The following SHANK2 variants were observed in gnomAD, a reference collection of about 807,000 sequenced individuals.
SHANK2 encodes SH3 and multiple ankyrin repeat domains protein 2.
SHANK2 carries 43 observed loss-of-function variants against 133.7 expected under a neutral mutation model. The ratio of observed to expected loss-of-function variants is 0.32; its 90% CI spans 0.25 to 0.41. SHANK2 has a LOEUF of 0.41. Ranked by LOEUF, SHANK2 falls within the 10% of genes least tolerant of loss-of-function variation. The pLI, the probability that SHANK2 is intolerant of heterozygous loss-of-function variation, is 1.00. For synonymous variants in SHANK2, 1,017 were observed against 952.8 expected (o/e 1.07, Z -1.24); for missense variants, 1,994 against 2,235.8 (o/e 0.89, Z 2.18).
chr11:70,872,890 A>G (rs1283553301), intron 11 of SHANK2: 2 of 412,216 alleles, frequency 4.9e-6, no homozygotes, highest in South Asian at 1.8e-5. Flanking sequence ...GATGCCCTGT[A>G]GAGCCCAGCT....
intron 15 of SHANK2, among the ~76,000 whole-genome samples, chr11:70,684,837 T>C (rs1379935169): frequency 2.0e-5 from 3 of 151,930 alleles, no homozygotes; most frequent in African/African-American, 7.3e-5. Flanking sequence ...TTCTGATAGG[T>C]CACATGCCTC....
At chr11:70,551,245 T>G (rs191327692) in intron 17 of SHANK2, among the ~76,000 whole-genome samples, 9 of 152,280 alleles carry the variant, frequency 5.9e-5, no homozygotes, top group African/African-American at 1.7e-4. Context: ...TTCAAAGATG[T>G]GTCTGAGGCT....
intron 10 of SHANK2, among the ~76,000 whole-genome samples, chr11:70,899,242 C>T (rs1200943594): frequency 2.0e-5 from 3 of 152,046 alleles, no homozygotes; most frequent in African/African-American, 7.2e-5. Context: ...GGTGGTTTCC[C>T]CGTGCTGTTC....
intron 4 of SHANK2, among the ~76,000 whole-genome samples, chr11:71,118,202 C>T (rs1555100736): frequency 6.6e-6 from 1 of 152,016 alleles, no homozygotes. Context: ...AGCAAGATTT[C>T]TCTGCAGGGA....
chr11:70,799,816 C>T (rs2016495), intron 13 of SHANK2, among the ~76,000 whole-genome samples: 22,576 of 152,106 alleles, frequency 0.15, 2,007 homozygotes, highest in African/African-American at 0.24. Flanking sequence ...CACAGTAGGC[C>T]CTCAATGAAC....
At chr11:70,674,216 C>T (rs1944866670) in intron 15 of SHANK2, among the ~76,000 whole-genome samples, 1 of 152,224 alleles carries the variant, frequency 6.6e-6, no homozygotes, top group African/African-American at 2.4e-5. Context: ...TGGCACCATG[C>T]TTCCTGGGCA....
At chr11:70,576,584 C>T (rs1022065686) in intron 17 of SHANK2, among the ~76,000 whole-genome samples, 15 of 152,120 alleles carry the variant, frequency 9.9e-5, no homozygotes, top group Non-Finnish European at 1.6e-4. Flanking sequence ...TTGCAGTGAG[C>T]CGAGATCTTG....
chr11:70,766,391 G>A (rs1947124699), intron 14 of SHANK2, among the ~76,000 whole-genome samples: 1 of 152,214 alleles, frequency 6.6e-6, no homozygotes, highest in South Asian at 2.1e-4. Context: ...TGGCTGATGG[G>A]ACTCTGAATA....
At chr11:70,744,137 G>A (rs1055726032) in intron 14 of SHANK2, among the ~76,000 whole-genome samples, 7 of 152,220 alleles carry the variant, frequency 4.6e-5, no homozygotes, top group Admixed American at 2.6e-4. Flanking sequence ...GAGGAAAGTG[G>A]AAGAACCAGG....
intron 3 of SHANK2, among the ~76,000 whole-genome samples, chr11:71,140,736 G>C (rs1258447562): frequency 1.3e-5 from 2 of 152,236 alleles, no homozygotes; most frequent in Admixed American, 6.5e-5. Context: ...GTGGAACCCC[G>C]AGGCTCAGAT....
chr11:70,494,065 G>A (rs919495565), intron 21 of SHANK2, among the ~76,000 whole-genome samples: 4 of 152,184 alleles, frequency 2.6e-5, no homozygotes. Context: ...TCCTGACAAA[G>A]GCAGCCCAGA....
chr11:70,916,506 T>TAC (rs139292615), intron 10 of SHANK2, among the ~76,000 whole-genome samples: 2 of 151,674 alleles, frequency 1.3e-5, no homozygotes, highest in Admixed American at 1.3e-4. Context: ...TGTGTGCGTG[T>TAC]ACACACACAC....
chr11:70,600,822 T>G (rs1436231779), intron 17 of SHANK2, among the ~76,000 whole-genome samples: 1 of 152,172 alleles, frequency 6.6e-6, no homozygotes, highest in South Asian at 2.1e-4. Flanking sequence ...GACTTACATA[T>G]GAAAGACAAA....
intron 3 of SHANK2, among the ~76,000 whole-genome samples, chr11:71,132,655 T>C: frequency 6.6e-6 from 1 of 152,182 alleles, no homozygotes; most frequent in Admixed American, 6.5e-5. Flanking sequence ...AGGGTCCACA[T>C]ATAATCCTTA....
rs571082855 is a variant in SHANK2 at position 71,113,655 on chromosome 11, C to T, written c.412-291G>A. 2.6e-5 allele frequency among the ~76,000 whole-genome samples: 4 copies of T among 152,186 alleles called. No individual in the cohort carries two copies. The South Asian group carries it at 6.2e-4, about 24-fold the overall frequency. On this transcript the variant is annotated intron_variant, in intron 4 of 25. Transcript: ENST00000601538. The stretch of plus-strand genomic sequence containing the variant: ...GCTGGGAGGTCTCCCTCCCGGTGAC[C>T]GGCTCCCCAGCTAACTGAGTGGTTA...
At chr11:70,670,832 G>A (rs1944786034) in intron 15 of SHANK2, among the ~76,000 whole-genome samples, 1 of 152,164 alleles carries the variant, frequency 6.6e-6, no homozygotes, top group South Asian at 2.1e-4. Flanking sequence ...TGCACGGAGG[G>A]GACTCCTCCT....
At position 70,547,084 on chromosome 11, in the gene SHANK2, A is replaced by T. The variant is rs116252288; in HGVS notation, c.2062-44153T>A. ...GGTCAGTTTACCCAGAATCTCCCTC[A>T]CCCTTGATGCTTCCACTCAGGAATT... On this transcript the variant is annotated intron_variant, in intron 17 of 25. Transcript: ENST00000601538. Among the ~76,000 whole-genome samples the T allele has an allele frequency of 1.7e-3, 254 of 150,322 alleles. 1 individual carries two copies. The highest frequency in any genetic ancestry group is 5.9e-3 in the African/African-American group (241 of 40,758).
intron 2 of SHANK2, among the ~76,000 whole-genome samples, chr11:71,218,924 C>A (rs981391862): frequency 3.9e-5 from 6 of 152,204 alleles, no homozygotes; most frequent in African/African-American, 7.2e-5. Context: ...GAGTCCCAAG[C>A]AGCCTTCTCT....
chr11:71,172,751 G>T (rs1203881330), intron 2 of SHANK2, among the ~76,000 whole-genome samples: 1 of 152,212 alleles, frequency 6.6e-6, no homozygotes, highest in Non-Finnish European at 1.5e-5. Flanking sequence ...CCCCATGAGA[G>T]AACAGTCAGA....
Sources: gnomAD v4.1 joint callset for allele counts (sites outside exome capture counted in the v4.1 genomes callset) on GRCh38, gnomAD v4.1.1 for gene constraint, MANE v1.5 for transcripts, NCBI Gene and HGNC (gene_info 2026-07-23, HGNC 2026-07-21) for gene names.